IZUMO2: variants seen among roughly 807,000 people sequenced by gnomAD.
IZUMO2 encodes the protein IZUMO family member 2.
In IZUMO2, 24 loss-of-function variants were observed where a neutral mutation model predicts 31.2. The observed-to-expected ratio is 0.77, with a 90% CI of 0.56 to 1.08. IZUMO2 has a LOEUF of 1.08. Among genes scored for constraint, IZUMO2 ranks in the 50% least tolerant of loss-of-function variants. The pLI, the probability that IZUMO2 is intolerant of heterozygous loss-of-function variation, is 0.00. For missense variants in IZUMO2, 278 were observed against 274.0 expected (o/e 1.01, Z -0.10); for synonymous variants, 144 against 117.3 (o/e 1.23, Z -1.47).
Position 50,163,172 on chromosome 19 carries a change from A to C in IZUMO2, c.23T>G (p.Leu8Arg), listed in dbSNP as rs1384275739. The C allele has an allele frequency of 2.6e-6, 4 of 1,555,502 alleles. No homozygotes were observed. The South Asian group carries it at 4.7e-5, about 18-fold the overall frequency. Reference sequence around the variant, plus strand: ...GGGGGCGCCCAAGCCCGAGAGCAGCAGAAGGGTCAAAGCCAGAGGCATGGC... The same window carrying C: ...GGGGGCGCCCAAGCCCGAGAGCAGCCGAAGGGTCAAAGCCAGAGGCATGGC... MPLALTL[L>R]LLSGLGAPGG... The change falls in exon 1 of 7, where the codon CTG becomes CGG. Residue 8 changes from leucine to arginine, a missense_variant. Physicochemically the swap from Leu to Arg is moderately radical, Grantham distance 102. Coordinates refer to ENST00000293405, the MANE Select transcript of IZUMO2 (RefSeq NM_152358.3).
At chr19:50,155,957 T>A (rs8102203) in intron 5 of IZUMO2, among the ~76,000 whole-genome samples, 95 of 152,304 alleles carry the variant, frequency 6.2e-4, no homozygotes, top group African/African-American at 2.3e-3. Flanking sequence ...TGTTGGATCT[T>A]TGCATGTGCT....
chr19:50,161,260 G>A (rs2030391616), intron 2 of IZUMO2, among the ~76,000 whole-genome samples: 2 of 151,896 alleles, frequency 1.3e-5, no homozygotes, highest in African/African-American at 4.8e-5. Flanking sequence ...GAGTAGCTGG[G>A]ATTACAGGAG....
chr19:50,161,126 C>CCT (rs1568439283), intron 2 of IZUMO2, among the ~76,000 whole-genome samples: 1 of 139,678 alleles, frequency 7.2e-6, no homozygotes. Context: ...TTTCCTTTTT[C>CCT]TTTTTTTTTT....
chr19:50,158,969 T>C (rs2030304608), intron 4 of IZUMO2, among the ~76,000 whole-genome samples: 1 of 152,232 alleles, frequency 6.6e-6, no homozygotes, highest in African/African-American at 2.4e-5. Context: ...CTTTGTTGTG[T>C]TAAACCACCA....
rs753806737 is a variant in IZUMO2, at chr19:50,152,628, C to T, written c.647G>A (p.Arg216Gln). 16 of 1,613,342 alleles carry T rather than the reference C, an allele frequency of 9.9e-6. No homozygotes were observed. Among genetic ancestry groups the T allele is most frequent in the Middle Eastern group, 1.6e-4 (1 of 6,084 alleles). Residue 216 changes from arginine to glutamine, a missense_variant, in exon 7 of 7, where the codon CGA (arginine) becomes CAA (glutamine). By Grantham distance (43) the Arg-to-Gln change is conservative. Transcript: ENST00000293405. ...ACCGTCCTACTGCAGCAGGAGTTTT[C>T]GGTTTTGTCTGTATGTACAAGCCCT... ...VVSACTYRQN[R>Q]KLLLQ
rs766492818 is a variant in IZUMO2, at chr19:50,163,071, T to G, written c.124A>C (p.Ser42Arg). ...TGCAGCTGCTCCAACTGGAAGCGAC[T>G]GGGGATGAGGGCGGAGCGCAGGTGA... ...LGHLRSALIP[S>R]RFQLEQLQAR... The change falls in exon 1 of 7, where the codon AGT becomes CGT. Residue 42 changes from serine to arginine, a missense_variant. Coordinates refer to ENST00000293405, the MANE Select transcript of IZUMO2 (RefSeq NM_152358.3). 3 of 1,613,348 alleles carry G rather than the reference T, an allele frequency of 1.9e-6. No individual in the cohort carries two copies. The highest frequency in any genetic ancestry group is 2.7e-5 in the African/African-American group (2 of 75,056).
rs552329586 is a variant in IZUMO2 at position 50,162,879 on chromosome 19, C to CA, written c.233-67dup. 43 of 1,603,240 alleles carry CA rather than the reference C, an allele frequency of 2.7e-5. No individual in the cohort carries two copies. In the East Asian group the frequency reaches 9.4e-4, roughly 35 times the overall value. Reference sequence around the variant, plus strand: ...GAGAGCCAAGTGACCTCACCCCCTCCAGGCCTGGCCCCGACCCCTCTTGGG... The same window carrying CA: ...GAGAGCCAAGTGACCTCACCCCCTCCAAGGCCTGGCCCCGACCCCTCTTGGG... On this transcript the variant is annotated intron_variant, in intron 1 of 6. Transcript: ENST00000293405.
intron 2 of IZUMO2, chr19:50,160,021 G>C (rs2030344404): frequency 6.5e-6 from 1 of 153,718 alleles, no homozygotes; most frequent in Non-Finnish European, 1.4e-5. Flanking sequence ...CTAATTTTTT[G>C]TATTTTTAGT....
intron 2 of IZUMO2, 130 bp from the exon 3 acceptor site, chr19:50,159,710 T>G (rs2030333250): frequency 9.4e-6 from 6 of 635,168 alleles, no homozygotes; most frequent in Non-Finnish European, 1.7e-5. Context: ...CCAGGATTAC[T>G]AAGGGTCCCC....
chr19:50,159,280 A>C (rs765116861), intron 3 of IZUMO2, 30 bp from the exon 4 acceptor site: 1 of 1,608,510 alleles, frequency 6.2e-7, no homozygotes, highest in East Asian at 2.2e-5. Flanking sequence ...AGGTGAGTTA[A>C]ATTGGGATGG....
rs1038454924 is a variant in IZUMO2 at position 50,154,277 on chromosome 19, T to G, written c.623+323A>C. 2.2e-3 allele frequency among the ~76,000 whole-genome samples: 297 copies of G among 137,688 alleles called. 5 individuals are homozygous for G. The highest frequency in any genetic ancestry group is 6.2e-3 in the African/African-American group (226 of 36,374). The allele number at this position is 137,688 out of a possible 152,430, so 90.3% of individuals were successfully genotyped here. A position where few individuals can be genotyped will look rare whatever the true frequency, so the allele number is the denominator to read the frequency against. On this transcript the variant is annotated intron_variant, in intron 6 of 6. Transcript: ENST00000293405. ...ATAACTTTTAGCGTTTTTTTTTTTT[T>G]TTTTTTTTTTTTTTTTTTTTAATGT...
At chr19:50,160,222 A>G (rs1484349935) in intron 2 of IZUMO2, 4 of 152,374 alleles carry the variant, frequency 2.6e-5, no homozygotes, top group Non-Finnish European at 5.9e-5. Context: ...CTAGACGTGC[A>G]CTGTCCAGTG....
chr19:50,161,473 A>G (rs1207949838), intron 2 of IZUMO2, among the ~76,000 whole-genome samples: 1 of 152,164 alleles, frequency 6.6e-6, no homozygotes, highest in East Asian at 1.9e-4. Flanking sequence ...ATGACTGGCA[A>G]CAAATCCTGT....
At chr19:50,157,240 C>T (rs1216968429) in intron 5 of IZUMO2, among the ~76,000 whole-genome samples, 1 of 151,226 alleles carries the variant, frequency 6.6e-6, no homozygotes, top group Non-Finnish European at 1.5e-5. Context: ...AGAGAGGGAA[C>T]AGCATGTGAA....
intron 5 of IZUMO2, among the ~76,000 whole-genome samples, chr19:50,156,534 G>A (rs967562490): frequency 1.3e-5 from 2 of 151,970 alleles, no homozygotes; most frequent in Admixed American, 6.6e-5. Context: ...GAAGCAAACA[G>A]GCAAATCCAA....
chr19:50,154,770 C>G, intron 5 of IZUMO2, 44 bp from the exon 6 acceptor site: 1 of 1,604,536 alleles, frequency 6.2e-7, no homozygotes, highest in Non-Finnish European at 8.5e-7. Context: ...CGTCACCACC[C>G]CTCCTTAGCC....
chr19:50,163,159 G>T lies in IZUMO2; in HGVS notation c.36C>A (p.Gly12=). 6.4e-7 allele frequency: 1 copy of T among 1,565,872 alleles called. No individual in the cohort carries two copies. The highest frequency in any genetic ancestry group is 1.4e-5 in the African/African-American group (1 of 73,632). ...PLALTLLLLS[G]LGAPGGWGCL... is the part of the protein sequence containing the mutation. ...AGCCCCAGCCTCCGGGGGCGCCCAA[G>T]CCCGAGAGCAGCAGAAGGGTCAAAG... The change falls in exon 1 of 7, where the codon GGC becomes GGA. Residue 12 remains glycine, a synonymous_variant. Coordinates refer to ENST00000293405, the MANE Select transcript of IZUMO2 (RefSeq NM_152358.3).
chr19:50,159,619 CCAGAAA>C, intron 2 of IZUMO2, 39 bp from the exon 3 acceptor site: 2 of 1,274,006 alleles, frequency 1.6e-6, no homozygotes, highest in Non-Finnish European at 2.3e-6. Flanking sequence ...TGGGAGGCAC[CCAGAAA>C]GCCCACCCCA....
Position 50,163,006 on chromosome 19 carries a change from A to C in IZUMO2, c.189T>G (p.Pro63=). The stretch of plus-strand genomic sequence containing the variant: ...CGTTCAGCGCGTAGTCCCGGAAGAA[A>C]GGCCCCTCCATGCCCATCAGCACGG... The part of the protein sequence containing the change: ...AGAVLMGMEG[P]FFRDYALNVF... Residue 63 remains proline (P), a synonymous_variant, in exon 1 of 7, where the codon CCT becomes CCG. Coordinates refer to ENST00000293405, the MANE Select transcript of IZUMO2 (RefSeq NM_152358.3). 1.2e-6 allele frequency: 2 copies of C among 1,611,172 alleles called. No individual in the cohort carries two copies. The highest frequency in any genetic ancestry group is 1.7e-6 in the Non-Finnish European group (2 of 1,178,404).
Sources: gnomAD v4.1 joint callset for allele counts (sites outside exome capture counted in the v4.1 genomes callset) on GRCh38, gnomAD v4.1.1 for gene constraint, MANE v1.5 for transcripts, NCBI Gene and HGNC (gene_info 2026-07-23, HGNC 2026-07-21) for gene names.